Variants in NDC80 observed in about 807,000 individuals in gnomAD.
NDC80 encodes the protein kinetochore protein NDC80 homolog.
In NDC80, 69 loss-of-function variants were observed where a neutral mutation model predicts 89.3. The ratio of observed to expected loss-of-function variants is 0.77; its 90% CI spans 0.64 to 0.94. The LOEUF (loss-of-function observed/expected upper bound fraction) is 0.94. Among genes scored for constraint, NDC80 ranks in the 40% least tolerant of loss-of-function variants. The pLI is 0.00. For synonymous variants in NDC80, 243 were observed against 255.6 expected, an observed-to-expected ratio of 0.95 and a Z score of 0.47; for missense variants, 593 against 739.6, an observed-to-expected ratio of 0.80 and a Z score of 2.30.
chr18:2,577,899 T>A, intron 4 of NDC80, 30 bp downstream of exon 4: 1 of 1,611,282 alleles, frequency 6.2e-7, no homozygotes, highest in South Asian at 1.1e-5. Context: ...TAAACTGTGA[T>A]TGTTGTCATA....
intron 10 of NDC80, 65 bp downstream of exon 10, chr18:2,590,227 C>T: frequency 7.0e-7 from 1 of 1,425,028 alleles, no homozygotes; most frequent in Non-Finnish European, 9.3e-7. Context: ...CATGTAAAAA[C>T]AGCTTTGTTA....
At chr18:2,611,708 A>G (rs1327510419) in intron 16 of NDC80, among the ~76,000 whole-genome samples, 2 of 152,186 alleles carry the variant, frequency 1.3e-5, no homozygotes, top group African/African-American at 4.8e-5. Flanking sequence ...TTGCTGAACT[A>G]TAAAATTCTT....
intron 2 of NDC80, 84 bp downstream of exon 2, chr18:2,573,170 T>G (rs1438029017): frequency 1.8e-6 from 2 of 1,082,600 alleles, no homozygotes; most frequent in East Asian, 5.1e-5. Context: ...TATAAAGATG[T>G]AATATGAGTG....
intron 16 of NDC80, among the ~76,000 whole-genome samples, chr18:2,612,223 A>G (rs1046549798): frequency 2.0e-5 from 3 of 148,606 alleles, no homozygotes; most frequent in Non-Finnish European, 3.0e-5. Flanking sequence ...AAAATGAAGC[A>G]GTTGTGCTAA....
intron 2 of NDC80, among the ~76,000 whole-genome samples, chr18:2,573,482 TA>T (rs2072530569): frequency 6.6e-6 from 1 of 152,196 alleles, no homozygotes. Flanking sequence ...TTTGCTCTCA[TA>T]AGGTATAATA....
At chr18:2,606,779 T>C (rs1196633224) in intron 14 of NDC80, among the ~76,000 whole-genome samples, 2 of 152,138 alleles carry the variant, frequency 1.3e-5, no homozygotes, top group Non-Finnish European at 2.9e-5. Flanking sequence ...TATGACTCAG[T>C]ATCCTTGCAA....
chr18:2,607,965 GTATATATATATATATATA>G (rs3033372), intron 14 of NDC80, among the ~76,000 whole-genome samples: 29 of 68,152 alleles, frequency 4.3e-4, no homozygotes, highest in African/African-American at 1.2e-3. Context: ...TATATACATA[GTATATATATATATATATA>G]TATATATATA....
chr18:2,579,733 G>C (rs561834737), intron 6 of NDC80, among the ~76,000 whole-genome samples: 11 of 152,126 alleles, frequency 7.2e-5, no homozygotes, highest in African/African-American at 2.7e-4. Context: ...GGCCCCTTGT[G>C]ATATAGTTTA....
At chr18:2,609,047 G>A (rs1255520667) in intron 15 of NDC80, among the ~76,000 whole-genome samples, 1 of 151,952 alleles carries the variant, frequency 6.6e-6, no homozygotes, top group Non-Finnish European at 1.5e-5. Context: ...TGTCCACCAA[G>A]AAATCATTAA....
chr18:2,612,082 G>A (rs1353423270), intron 16 of NDC80, among the ~76,000 whole-genome samples: 2 of 151,912 alleles, frequency 1.3e-5, no homozygotes, highest in Non-Finnish European at 1.5e-5. Context: ...CCCAATCATA[G>A]TATACAATAA....
rs1190887508 is a variant in NDC80 at position 2,610,028 on chromosome 18, G to A, written c.1689-731G>A. ...TCAAATTATACGTTGTCAGGATCTC[G>A]TCCTTCTCAGTTTCCCTCACAATTT... On this transcript the variant is annotated intron_variant, in intron 15 of 16. Coordinates refer to ENST00000261597, the MANE Select transcript of NDC80 (RefSeq NM_006101.3). Among the ~76,000 whole-genome samples, 9 of 152,034 alleles carry A rather than the reference G, an allele frequency of 5.9e-5. No individual in the cohort carries two copies. In the South Asian group the frequency reaches 1.5e-3, roughly 25 times the overall value.
intron 15 of NDC80, among the ~76,000 whole-genome samples, chr18:2,609,042 A>C (rs2072729329): frequency 6.6e-6 from 1 of 152,176 alleles, no homozygotes; most frequent in Admixed American, 6.5e-5. Flanking sequence ...GTTACTGTCC[A>C]CCAAGAAATC....
chr18:2,615,529 G>A (rs1405242882), intron 16 of NDC80, among the ~76,000 whole-genome samples: 2 of 152,202 alleles, frequency 1.3e-5, no homozygotes, highest in African/African-American at 2.4e-5. Flanking sequence ...CCTGGATAGT[G>A]CAGGATAATC....
At chr18:2,615,474 C>T (rs2143680053) in intron 16 of NDC80, among the ~76,000 whole-genome samples, 1 of 152,294 alleles carries the variant, frequency 6.6e-6, no homozygotes, top group Non-Finnish European at 1.5e-5. Context: ...TCCTTAAATT[C>T]CTTCTCTGAC....
chr18:2,590,074 G>A lies in NDC80; in HGVS notation c.927G>A (p.Lys309=), dbSNP rs1298305891. ...LKASLQGDVQ[K]YQAYMSNLES... is the part of the protein sequence containing the mutation. ...CTTCCTTACAAGGAGATGTTCAAAA[G>A]TATCAGGCATACATGAGCAATTTGG... The change falls in exon 10 of 17, where the codon AAG becomes AAA. Residue 309 remains lysine, a synonymous_variant. Transcript: ENST00000261597. 6.2e-7 allele frequency: 1 copy of A among 1,604,672 alleles called. No homozygotes were observed. Among genetic ancestry groups the A allele is most frequent in the South Asian group, 1.1e-5 (1 of 90,418 alleles).
chr18:2,610,755 A>T lies in NDC80; in HGVS notation c.1689-4A>T. 6.4e-7 allele frequency: 1 copy of T among 1,573,716 alleles called. No homozygotes were observed. Among genetic ancestry groups the T allele is most frequent in the Admixed American group, 1.7e-5 (1 of 57,472 alleles). On this transcript the variant is annotated splice_region_variant and splice_polypyrimidine_tract_variant and intron_variant, in intron 15 of 16. Coordinates refer to ENST00000261597, the MANE Select transcript of NDC80 (RefSeq NM_006101.3). ...CAACTTAAACAAGAGTTTTTGTTCT[A>T]CAGATACCAACTAGTTGTGCAAACC...
chr18:2,587,903 C>A lies in NDC80; in HGVS notation c.743C>A (p.Ala248Glu). ...GCCGACAGCTTTGATGAGATGAATG[C>A]AGAGCTGCAGTCAAAACTGAGTAAG... Reference protein sequence around the residue: ...SGADSFDEMNAELQSKLKDLF... With the variant: ...SGADSFDEMNEELQSKLKDLF... Residue 248 changes from alanine to glutamate, a missense_variant, in exon 8 of 17, where the codon GCA (alanine) becomes GAA (glutamate). Transcript: ENST00000261597. The A allele has an allele frequency of 6.2e-7, 1 of 1,613,468 alleles. No individual in the cohort carries two copies.
chr18:2,604,723 A>G (rs2072701441), intron 13 of NDC80, among the ~76,000 whole-genome samples: 1 of 152,126 alleles, frequency 6.6e-6, no homozygotes, highest in Admixed American at 6.6e-5. Context: ...GTAAATTACC[A>G]TGAGTGTAAG....
At chr18:2,607,779 A>G (rs1598245820) in intron 14 of NDC80, among the ~76,000 whole-genome samples, 1 of 151,508 alleles carries the variant, frequency 6.6e-6, no homozygotes, top group Non-Finnish European at 1.5e-5. Context: ...TCCCATCACT[A>G]GAAACAATGG....
Sources: gnomAD v4.1 joint callset for allele counts (sites outside exome capture counted in the v4.1 genomes callset) on GRCh38, gnomAD v4.1.1 for gene constraint, MANE v1.5 for transcripts, NCBI Gene and HGNC (gene_info 2026-07-23, HGNC 2026-07-21) for gene names.